Variants in KIAA0825 observed in about 807,000 individuals in gnomAD.
The protein encoded by KIAA0825 is KIAA0825, also known as uncharacterized protein KIAA0825.
KIAA0825 carries 119 observed loss-of-function variants against 147.6 expected under a neutral mutation model. The observed-to-expected ratio is 0.81, with a 90% CI of 0.69 to 0.94. KIAA0825 has a LOEUF of 0.94. Ranked by LOEUF, KIAA0825 falls within the 40% of genes least tolerant of loss-of-function variation. KIAA0825 has a pLI of 0.00. For synonymous variants in KIAA0825, 470 were observed against 518.1 expected, an observed-to-expected ratio of 0.91 and a Z score of 1.26; for missense variants, 1,381 against 1,472.7, an observed-to-expected ratio of 0.94 and a Z score of 1.02.
At chr5:94,581,987 G>A (rs1166460983) in intron 2 of KIAA0825, among the ~76,000 whole-genome samples, 3 of 152,158 alleles carry the variant, frequency 2.0e-5, no homozygotes, top group East Asian at 1.9e-4. Flanking sequence ...GTTTAGACAA[G>A]TCACAAGTTA....
intron 8 of KIAA0825, 148 bp from the exon 9 acceptor site, chr5:94,471,879 G>A: frequency 1.4e-6 from 1 of 735,006 alleles, no homozygotes; most frequent in Non-Finnish European, 2.2e-6. Flanking sequence ...TTTCTCAGTT[G>A]TAGAAAGTTA....
chr5:94,558,822 A>G (rs1435424350), intron 2 of KIAA0825, among the ~76,000 whole-genome samples: 1 of 152,222 alleles, frequency 6.6e-6, no homozygotes, highest in Admixed American at 6.5e-5. Flanking sequence ...CCTTCATTCC[A>G]CAAGTGCATT....
intron 15 of KIAA0825, chr5:94,416,322 A>G (rs972553948): frequency 6.6e-6 from 1 of 152,204 alleles, no homozygotes; most frequent in African/African-American, 2.4e-5. Context: ...TCTGGAGGAT[A>G]GTCAAAAAGT....
intron 14 of KIAA0825, among the ~76,000 whole-genome samples, chr5:94,439,507 T>C (rs1310131870): frequency 1.3e-5 from 2 of 152,176 alleles, no homozygotes; most frequent in Non-Finnish European, 2.9e-5. Context: ...TACTCTGTGC[T>C]CCAACGGATA....
rs1328176251 is a variant in KIAA0825, at chr5:94,396,199, A to C, written c.3198T>G (p.His1066Gln). The C allele has an allele frequency of 5.8e-6, 9 of 1,551,264 alleles. No individual in the cohort carries two copies. The highest frequency in any genetic ancestry group is 7.8e-6 in the Non-Finnish European group (9 of 1,146,844). ...GTATGACCTTTTGGATCATTTGATT[A>C]TGGATACTTGTCTGGTCTCCCATGA... The part of the protein sequence containing the change: ...KSIMGDQTSI[H>Q]NQMIQKVIQS... Residue 1066 changes from histidine to glutamine, a missense_variant, in exon 17 of 21, where the codon CAT (histidine) becomes CAG (glutamine). Coordinates refer to ENST00000682413, the MANE Select transcript of KIAA0825 (RefSeq NM_001145678.3).
rs140316243 is a variant in KIAA0825, at chr5:94,283,894, G to C, written c.3710+100474C>G. Among the ~76,000 whole-genome samples, 324 of 152,192 alleles carry C rather than the reference G, an allele frequency of 2.1e-3. 3 individuals are homozygous for C. The highest frequency in any genetic ancestry group is 7.6e-3 in the African/African-American group (317 of 41,536). On this transcript the variant is annotated intron_variant, in intron 20 of 20. Transcript: ENST00000682413. ...ATTGGCACCACAGGAATAATCTACT[G>C]ATTTTCTAAGTGTTGATGGAATCAA...
At chr5:94,602,922 G>A (rs1423677926) in intron 1 of KIAA0825, among the ~76,000 whole-genome samples, 10 of 150,896 alleles carry the variant, frequency 6.6e-5, no homozygotes, top group East Asian at 2.0e-4. Context: ...TCTGCCACCC[G>A]GGTTCAAGTG....
At chr5:94,395,785 T>C (rs1485141418) in intron 17 of KIAA0825, among the ~76,000 whole-genome samples, 1 of 152,184 alleles carries the variant, frequency 6.6e-6, no homozygotes, top group African/African-American at 2.4e-5. Flanking sequence ...ACTAGATACC[T>C]GTTTGCACAC....
At chr5:94,222,261 T>A (rs1454306958) in intron 20 of KIAA0825, among the ~76,000 whole-genome samples, 1 of 152,140 alleles carries the variant, frequency 6.6e-6, no homozygotes, top group Non-Finnish European at 1.5e-5. Context: ...TGGGCCTTTC[T>A]CTCCTCTCCC....
intron 5 of KIAA0825, among the ~76,000 whole-genome samples, chr5:94,514,037 AT>A (rs1252756255): frequency 6.6e-6 from 1 of 152,098 alleles, no homozygotes; most frequent in Non-Finnish European, 1.5e-5. Context: ...GCATTGTCTA[AT>A]TTTTGGGTGG....
In KIAA0825 at chr5:94,582,455, T is replaced by G. The variant is rs1584957221; in HGVS notation, c.-24A>C. 6.6e-6 allele frequency: 1 copy of G among 152,308 alleles called. No individual in the cohort carries two copies. The highest frequency in any genetic ancestry group is 3.4e-3 in the Middle Eastern group (1 of 294). The allele number at this position is 152,308 out of a possible 1,614,324, so 9.4% of individuals were successfully genotyped here. A position where few individuals can be genotyped will look rare whatever the true frequency, so the allele number is the denominator to read the frequency against. ...TACCTAATTTTATTTCAGAAGACACTAAGAATGAACTGGTCTTCGAATCCT... is the reference window on the plus strand; with the variant it reads ...TACCTAATTTTATTTCAGAAGACACGAAGAATGAACTGGTCTTCGAATCCT... On this transcript the variant is annotated 5_prime_UTR_variant, in exon 2 of 21. Coordinates refer to ENST00000682413, the MANE Select transcript of KIAA0825 (RefSeq NM_001145678.3).
At chr5:94,410,367 G>C (rs1752606165) in intron 15 of KIAA0825, among the ~76,000 whole-genome samples, 1 of 152,122 alleles carries the variant, frequency 6.6e-6, no homozygotes, top group Non-Finnish European at 1.5e-5. Context: ...ACACGAAATT[G>C]AGTCCCAGAA....
intron 20 of KIAA0825, among the ~76,000 whole-genome samples, chr5:94,159,603 A>C (rs1433675728): frequency 6.6e-6 from 1 of 152,156 alleles, no homozygotes; most frequent in Admixed American, 6.6e-5. Context: ...TATTGCATAT[A>C]TGTATATATG....
chr5:94,609,624 G>C (rs373645863), intron 1 of KIAA0825, among the ~76,000 whole-genome samples: 1 of 152,074 alleles, frequency 6.6e-6, no homozygotes, highest in South Asian at 2.1e-4. Context: ...TTAATCAAAA[G>C]AATAAGCACT....
At chr5:94,336,523 G>A (rs748787092) in intron 20 of KIAA0825, among the ~76,000 whole-genome samples, 13 of 149,958 alleles carry the variant, frequency 8.7e-5, no homozygotes, top group South Asian at 8.4e-4. Context: ...TTGGTTTTCC[G>A]TTCCTGTGTT....
Position 94,452,987 on chromosome 5 carries a change from TGCAAGAA to T in KIAA0825, c.2322_2328del (p.Ser775TyrfsTer17), listed in dbSNP as rs1758613888. 6.5e-7 allele frequency: 1 copy of T among 1,528,044 alleles called. No homozygotes were observed. Among genetic ancestry groups the T allele is most frequent in the East Asian group, 2.5e-5 (1 of 39,220 alleles). The allele number at this position is 1,528,044 out of a possible 1,614,324, so 94.7% of individuals were successfully genotyped here. ...AGTAAAGAAGGGTAGAAATGTGATA[TGCAAGAA>T]ACCCAATATAATGGTTGCTTAAAAA... On this transcript the variant is annotated frameshift_variant, in exon 13 of 21. Coordinates refer to ENST00000682413, the MANE Select transcript of KIAA0825 (RefSeq NM_001145678.3). LOFTEE classifies it high-confidence loss of function.
At chr5:94,324,948 GAACCCT>G (rs1394256684) in intron 20 of KIAA0825, among the ~76,000 whole-genome samples, 1 of 151,866 alleles carries the variant, frequency 6.6e-6, no homozygotes, top group African/African-American at 2.4e-5. Flanking sequence ...AAAAAATTCT[GAACCCT>G]AACTACAGAG....
chr5:94,551,373 CA>C (rs1186716205), intron 2 of KIAA0825, among the ~76,000 whole-genome samples: 1 of 151,898 alleles, frequency 6.6e-6, no homozygotes, highest in Non-Finnish European at 1.5e-5. Flanking sequence ...CAAATATCCC[CA>C]AAAAGTTTCA....
At chr5:94,490,555 T>C (rs771323842) in intron 5 of KIAA0825, among the ~76,000 whole-genome samples, 5 of 152,120 alleles carry the variant, frequency 3.3e-5, no homozygotes, top group Non-Finnish European at 5.9e-5. Context: ...AATATGACTT[T>C]TGTGTGTTAA....
Sources: gnomAD v4.1 joint callset for allele counts (sites outside exome capture counted in the v4.1 genomes callset) on GRCh38, gnomAD v4.1.1 for gene constraint, MANE v1.5 for transcripts, NCBI Gene and HGNC (gene_info 2026-07-23, HGNC 2026-07-21) for gene names.